PLXNA2: variants seen among roughly 807,000 people sequenced by gnomAD.
PLXNA2 encodes the protein plexin A2.
Under a neutral mutation model 193.5 loss-of-function variants are expected in PLXNA2, and 91 were observed. The ratio of observed to expected loss-of-function variants is 0.47; its 90% confidence interval spans 0.40 to 0.56. The LOEUF is 0.56. Ranked by LOEUF, PLXNA2 falls within the 20% of genes least tolerant of loss-of-function variation. PLXNA2 has a pLI of 0.00. For synonymous variants in PLXNA2, 997 were observed against 1,027.3 expected (o/e 0.97, Z 0.56); for missense variants, 1,995 against 2,503.2 (o/e 0.80, Z 4.33).
At chr1:208,040,351 A>G in intron 22 of PLXNA2, 1 of 417,232 alleles carries the variant, frequency 2.4e-6, no homozygotes, top group Non-Finnish European at 4.4e-6. Context: ...GGGTCTGTGG[A>G]TAAAGGCACC....
In PLXNA2 at chr1:208,026,979, G is replaced by A. The variant is rs755359368; in HGVS notation, c.*264C>T. On this transcript the variant is annotated 3_prime_UTR_variant, in exon 32 of 32. Coordinates refer to ENST00000367033, the MANE Select transcript of PLXNA2 (RefSeq NM_025179.4). ...GAACTGTCCCCAGCTCGTGCCTCTC[G>A]GCTTGAAGAACCACCTTCTCCCGGC... The A allele has an allele frequency of 5.3e-6, 2 of 377,132 alleles. No homozygotes were observed. Among genetic ancestry groups the A allele is most frequent in the Admixed American group, 4.2e-5 (1 of 23,974 alleles). 23.4% of individuals were successfully genotyped at this position (377,132 alleles called of 1,614,324 possible).
At chr1:208,113,408 C>T (rs939186337) in intron 4 of PLXNA2, among the ~76,000 whole-genome samples, 5 of 152,204 alleles carry the variant, frequency 3.3e-5, no homozygotes, top group Non-Finnish European at 5.9e-5. Context: ...TGACTTCTTC[C>T]AAGAACTGGG....
At position 208,024,369 on chromosome 1, in the gene PLXNA2, C is replaced by A. The variant is rs1664277504; in HGVS notation, c.*2874G>T. The A allele has an allele frequency of 6.6e-6, 1 of 152,362 alleles. No homozygotes were observed. The highest frequency in any genetic ancestry group is 1.9e-4 in the East Asian group (1 of 5,194). The allele number at this position is 152,362 out of a possible 1,614,324, so 9.4% of individuals were successfully genotyped here. A position where few individuals can be genotyped will look rare whatever the true frequency, so the allele number is the denominator to read the frequency against. ...TGTGGACTTCATTGGTTCTTGGTGG[C>A]CCAAAGCGAAGAGGTGTGGAGGAGG... is the stretch of plus-strand genomic sequence containing the variant. On this transcript the variant is annotated 3_prime_UTR_variant, in exon 32 of 32. Transcript: ENST00000367033.
At chr1:208,157,073 C>A (rs1668961378) in intron 3 of PLXNA2, among the ~76,000 whole-genome samples, 1 of 152,152 alleles carries the variant, frequency 6.6e-6, no homozygotes, top group African/African-American at 2.4e-5. Flanking sequence ...GGTGTCTGTA[C>A]AGGTCTCACA....
intron 3 of PLXNA2, among the ~76,000 whole-genome samples, chr1:208,190,125 T>C (rs1445639102): frequency 6.6e-6 from 1 of 152,174 alleles, no homozygotes; most frequent in Non-Finnish European, 1.5e-5. Flanking sequence ...GTATAGATGG[T>C]AGACTGGGAG....
At chr1:208,125,956 G>A (rs1285502737) in intron 4 of PLXNA2, among the ~76,000 whole-genome samples, 1 of 152,170 alleles carries the variant, frequency 6.6e-6, no homozygotes, top group South Asian at 2.1e-4. Flanking sequence ...GCTCTGTTGC[G>A]GTCACAGGAG....
chr1:208,226,100 GA>G (rs771897232), intron 1 of PLXNA2, among the ~76,000 whole-genome samples: 1 of 152,164 alleles, frequency 6.6e-6, no homozygotes, highest in Non-Finnish European at 1.5e-5. Flanking sequence ...ACCTAGCCCA[GA>G]AAACAGTAGC....
intron 3 of PLXNA2, among the ~76,000 whole-genome samples, chr1:208,154,864 T>C (rs1042260495): frequency 6.6e-6 from 1 of 152,186 alleles, no homozygotes; most frequent in Non-Finnish European, 1.5e-5. Context: ...CATGCCAGCA[T>C]GACAAGGCAG....
intron 3 of PLXNA2, chr1:208,209,983 A>AATTTTTTT (rs34413554): frequency 0.041 from 3,597 of 87,520 alleles, 576 homozygotes; most frequent in Middle Eastern, 0.086. Flanking sequence ...ATGAAGAGCA[A>AATTTTTTT]TTTTTTTTTT....
At chr1:208,029,578 C>T in intron 29 of PLXNA2, 1 of 990,338 alleles carries the variant, frequency 1.0e-6, no homozygotes, top group Non-Finnish European at 1.2e-6. Context: ...GGAATGGGCT[C>T]CCCTGGGGGA....
intron 4 of PLXNA2, among the ~76,000 whole-genome samples, chr1:208,104,477 T>C (rs1323913285): frequency 6.6e-6 from 1 of 152,070 alleles, no homozygotes; most frequent in Non-Finnish European, 1.5e-5. Flanking sequence ...GAGTTTTTGT[T>C]GTGTGGGATT....
At chr1:208,090,592 T>A (rs1438545579) in intron 9 of PLXNA2, among the ~76,000 whole-genome samples, 2 of 152,176 alleles carry the variant, frequency 1.3e-5, no homozygotes, top group East Asian at 3.9e-4. Flanking sequence ...TTATTTATCT[T>A]GCTTTGAGTG....
At chr1:208,080,830 G>A (rs1293152226) in intron 11 of PLXNA2, among the ~76,000 whole-genome samples, 1 of 152,172 alleles carries the variant, frequency 6.6e-6, no homozygotes, top group Non-Finnish European at 1.5e-5. Context: ...CACAGATAAG[G>A]AGACTGGATG....
chr1:208,223,639 T>C (rs1671418392), intron 1 of PLXNA2, among the ~76,000 whole-genome samples: 1 of 152,170 alleles, frequency 6.6e-6, no homozygotes, highest in Non-Finnish European at 1.5e-5. Context: ...CCCAGGCAAA[T>C]GTCACACTCA....
rs558770025 is a variant in PLXNA2 at position 208,054,485 on chromosome 1, C to T, written c.2792G>A (p.Arg931His). Residue 931 changes from arginine (R) to histidine (H), a missense_variant, in exon 14 of 32, where the codon CGC becomes CAC. By Grantham distance (29) the Arg-to-His change is conservative. Coordinates refer to ENST00000367033, the MANE Select transcript of PLXNA2 (RefSeq NM_025179.4). ...ALVGTTSGPV[R>H]LCIGECKPEF... is the part of the protein sequence containing the mutation. Reference sequence around the variant, plus strand: ...TGGCTTACACTCGCCAATACACAGGCGTACTGGCCCGGAGGTGGTTCCCAC... The same window carrying T: ...TGGCTTACACTCGCCAATACACAGGTGTACTGGCCCGGAGGTGGTTCCCAC... 9.2e-5 allele frequency: 149 copies of T among 1,614,244 alleles called. 1 individual carries two copies. The East Asian group carries it at 1.3e-3, about 14-fold the overall frequency.
Position 208,100,848 on chromosome 1 carries a change from G to A in PLXNA2, c.1608-1879C>T, listed in dbSNP as rs11804841. The stretch of plus-strand genomic sequence containing the variant: ...AGGTGGGCAGGTGACACCAGCACTC[G>A]GGAGCTTCAGGTTACTGTCTGCCTT... On this transcript the variant is annotated intron_variant, in intron 5 of 31. Coordinates refer to ENST00000367033, the MANE Select transcript of PLXNA2 (RefSeq NM_025179.4). Among the ~76,000 whole-genome samples the A allele has an allele frequency of 2.9e-3, 444 of 152,166 alleles. 3 individuals carry two copies. The highest frequency in any genetic ancestry group is 0.01 in the African/African-American group (421 of 41,500).
At chr1:208,054,559 C>T (rs1396540374) in intron 13 of PLXNA2, 21 bp from the exon 14 acceptor site, 6 of 1,560,636 alleles carry the variant, frequency 3.8e-6, no homozygotes, top group Non-Finnish European at 3.5e-6. Flanking sequence ...AGCAAACCTT[C>T]TGGTGAGGGA....
In PLXNA2 at chr1:208,028,786, G is replaced by T. The variant is rs903383361; in HGVS notation, c.5438+44C>A. The T allele has an allele frequency of 1.8e-5, 28 of 1,554,786 alleles. No homozygotes were observed. The highest frequency in any genetic ancestry group is 2.4e-5 in the Non-Finnish European group (27 of 1,132,962). ...GTGATGACTATAGAGCGGGGAATGG[G>T]CAGGGAGACAAGGGCATGGGCCTGT... On this transcript the variant is annotated intron_variant, in intron 30 of 31. Coordinates refer to ENST00000367033, the MANE Select transcript of PLXNA2 (RefSeq NM_025179.4). This position sits in a 1 kb window ranked among gnomAD's most constrained non-coding sequence, Gnocchi z 4.2.
chr1:208,166,961 C>T lies in PLXNA2; in HGVS notation c.1372-24498G>A, dbSNP rs1203112471. Among the ~76,000 whole-genome samples, 5 of 152,218 alleles carry T rather than the reference C, an allele frequency of 3.3e-5. No homozygotes were observed. In the South Asian group the frequency reaches 8.3e-4, roughly 25 times the overall value. The stretch of plus-strand genomic sequence containing the variant: ...TGTTGCTGCAACTCCGCACCTGAGT[C>T]TGCACCTGGGGCTACTGAATGAGAG... On this transcript the variant is annotated intron_variant, in intron 3 of 31. Transcript: ENST00000367033.
Sources: gnomAD v4.1 joint callset for allele counts (sites outside exome capture counted in the v4.1 genomes callset) on GRCh38, gnomAD v4.1.1 for gene constraint, Gnocchi (gnomAD v3.1) non-coding constraint, MANE v1.5 for transcripts, NCBI Gene and HGNC (gene_info 2026-07-23, HGNC 2026-07-21) for gene names.